Variants in GIPC2 observed in about 807,000 individuals in gnomAD.
The protein encoded by GIPC2 is GIPC PDZ domain containing family member 2.
GIPC2 carries 30 observed loss-of-function variants against 30.6 expected under a neutral mutation model. The ratio of observed to expected loss-of-function variants is 0.98; its 90% CI spans 0.73 to 1.33. The LOEUF (loss-of-function observed/expected upper bound fraction) is 1.33, where lower values mean the gene tolerates loss of function less well. Ranked by LOEUF, GIPC2 falls within the 40% of genes most tolerant of loss-of-function variation. The pLI is 0.00. For synonymous variants in GIPC2, 167 were observed against 150.0 expected, an observed-to-expected ratio of 1.11 and a Z score of -0.83; for missense variants, 414 against 390.3, an observed-to-expected ratio of 1.06 and a Z score of -0.51.
chr1:78,071,246 T>C (rs1259818666), intron 1 of GIPC2, among the ~76,000 whole-genome samples: 1 of 152,190 alleles, frequency 6.6e-6, no homozygotes, highest in Non-Finnish European at 1.5e-5. Context: ...CAAATGTAAC[T>C]AGTCATTTTT....
chr1:78,133,471 G>C (rs1179562912), intron 5 of GIPC2, among the ~76,000 whole-genome samples: 1 of 152,186 alleles, frequency 6.6e-6, no homozygotes, highest in East Asian at 1.9e-4. Context: ...TGGCAGAAGG[G>C]TTTAGAGAAT....
intron 1 of GIPC2, among the ~76,000 whole-genome samples, chr1:78,076,550 G>C (rs1661720592): frequency 6.6e-6 from 1 of 152,144 alleles, no homozygotes; most frequent in African/African-American, 2.4e-5. Context: ...GCTCACCTTA[G>C]GGTTCATGCT....
intron 3 of GIPC2, among the ~76,000 whole-genome samples, chr1:78,095,723 A>G (rs1289323177): frequency 6.6e-6 from 1 of 152,114 alleles, no homozygotes; most frequent in Non-Finnish European, 1.5e-5. Context: ...ACCCAGGGCT[A>G]TCTCATCTAC....
chr1:78,045,963 G>C (rs1661058708), upstream of GIPC2: 3 of 1,374,474 alleles, frequency 2.2e-6, no homozygotes, highest in African/African-American at 4.6e-5. Flanking sequence ...ACCCGACGCA[G>C]CCAGGCGGAA....
chr1:78,091,386 T>C, intron 2 of GIPC2: 1 of 515,492 alleles, frequency 1.9e-6, no homozygotes, highest in African/African-American at 1.9e-5. Flanking sequence ...GTCTGGTGCT[T>C]AAGATTTTAG....
chr1:78,062,520 T>A (rs1661413401), intron 1 of GIPC2, among the ~76,000 whole-genome samples: 1 of 151,064 alleles, frequency 6.6e-6, no homozygotes, highest in East Asian at 1.9e-4. Flanking sequence ...TTTTTTTTTT[T>A]AATTTGAGAG....
rs1327810626 is a variant in GIPC2 at position 78,137,338 on chromosome 1, G to A, written c.*1595G>A. On this transcript the variant is annotated 3_prime_UTR_variant, in exon 6 of 6. Transcript: ENST00000370759. ...TCTCTTGGAAAGACACAAAAAAAGA[G>A]CTGTTATTTTTAGGCATAAGATGAC... 6.6e-6 allele frequency: 1 copy of A among 152,108 alleles called. No homozygotes were observed. Among genetic ancestry groups the A allele is most frequent in the Non-Finnish European group, 1.5e-5 (1 of 67,992 alleles). The allele number at this position is 152,108 out of a possible 1,614,324, so 9.4% of individuals were successfully genotyped here.
intron 4 of GIPC2, among the ~76,000 whole-genome samples, chr1:78,125,204 A>T (rs1302752479): frequency 6.6e-6 from 1 of 151,700 alleles, no homozygotes; most frequent in Non-Finnish European, 1.5e-5. Flanking sequence ...TTACTTTTAA[A>T]TTAAATTAAT....
chr1:78,083,120 G>T (rs1057226142), intron 2 of GIPC2, among the ~76,000 whole-genome samples: 2 of 151,798 alleles, frequency 1.3e-5, no homozygotes, highest in Admixed American at 1.3e-4. Flanking sequence ...CGTCCTAATT[G>T]TGTTCATTAT....
chr1:78,129,912 T>G (rs1662859069), intron 5 of GIPC2, among the ~76,000 whole-genome samples: 1 of 152,176 alleles, frequency 6.6e-6, no homozygotes. Context: ...TCCTGAGATG[T>G]GTGGAAAGAA....
At chr1:78,108,444 C>G (rs900827024) in intron 3 of GIPC2, among the ~76,000 whole-genome samples, 1 of 152,194 alleles carries the variant, frequency 6.6e-6, no homozygotes, top group Non-Finnish European at 1.5e-5. Context: ...TCTGTCTTAT[C>G]GACGGAATGG....
intron 5 of GIPC2, among the ~76,000 whole-genome samples, chr1:78,133,699 C>T (rs1050264420): frequency 6.6e-6 from 1 of 151,378 alleles, no homozygotes; most frequent in Admixed American, 6.6e-5. Context: ...ATTAGACTGC[C>T]ACTAGGGTTT....
At chr1:78,132,613 T>TA (rs370551267) in intron 5 of GIPC2, among the ~76,000 whole-genome samples, 102 of 147,674 alleles carry the variant, frequency 6.9e-4, no homozygotes, top group Middle Eastern at 6.9e-3. Context: ...TCCTGAGGTA[T>TA]AAAAAAAAAA....
intron 1 of GIPC2, among the ~76,000 whole-genome samples, chr1:78,069,478 T>TA (rs1486332286): frequency 1.3e-5 from 2 of 148,716 alleles, no homozygotes; most frequent in African/African-American, 5.0e-5. Context: ...TGTAGTACTT[T>TA]TTTTTTTTTT....
chr1:78,058,755 T>G (rs1231626249), intron 1 of GIPC2, among the ~76,000 whole-genome samples: 1 of 152,214 alleles, frequency 6.6e-6, no homozygotes, highest in Non-Finnish European at 1.5e-5. Context: ...TCCCTTCACT[T>G]ATTTGAGTAT....
rs149217638 is a variant in GIPC2, at chr1:78,098,976, T to C, written c.607+3844T>C. 1.8e-3 allele frequency among the ~76,000 whole-genome samples: 271 copies of C among 152,262 alleles called. 4 individuals are homozygous for C. Among genetic ancestry groups the C allele is most frequent in the African/African-American group, 6.1e-3 (254 of 41,534 alleles). ...CCACCTAGTCTATGGTACTTTGTTA[T>C]GGCAGCACTAGGAAATTATAGAGGA... On this transcript the variant is annotated intron_variant, in intron 3 of 5. Coordinates refer to ENST00000370759, the MANE Select transcript of GIPC2 (RefSeq NM_017655.6).
Position 78,113,903 on chromosome 1 carries a change from C to A in GIPC2, c.608-5490C>A, listed in dbSNP as rs74093219. Among the ~76,000 whole-genome samples the A allele has an allele frequency of 9.4e-3, 1,402 of 149,724 alleles. 22 individuals are homozygous for A. The highest frequency in any genetic ancestry group is 0.033 in the African/African-American group (1,338 of 40,630). ...TGCAACTCATTCTTATGGAGTCTAT[C>A]CAAGGCAGTCAACCATCAACCTAGT... is the stretch of plus-strand genomic sequence containing the variant. On this transcript the variant is annotated intron_variant, in intron 3 of 5. Coordinates refer to ENST00000370759, the MANE Select transcript of GIPC2 (RefSeq NM_017655.6).
intron 1 of GIPC2, among the ~76,000 whole-genome samples, chr1:78,078,574 C>T (rs182647796): frequency 6.5e-4 from 99 of 152,166 alleles, no homozygotes; most frequent in Non-Finnish European, 2.6e-4. Context: ...GGAGGAAGCA[C>T]GATGGAAAAG....
intron 2 of GIPC2, among the ~76,000 whole-genome samples, chr1:78,089,514 G>T (rs768580198): frequency 1.8e-4 from 27 of 152,094 alleles, no homozygotes; most frequent in Non-Finnish European, 3.2e-4. Context: ...AGATGAAACT[G>T]GTTTTTTTGT....
Sources: allele counts gnomAD v4.1 joint callset (sites outside exome capture counted in the v4.1 genomes callset), GRCh38; gene constraint gnomAD v4.1.1; transcripts MANE v1.5; gene names NCBI Gene and HGNC (gene_info 2026-07-23, HGNC 2026-07-21).